Variants in AGBL4 observed in about 807,000 individuals in gnomAD.
AGBL4 encodes the protein cytosolic carboxypeptidase 6.
AGBL4 carries 58 observed loss-of-function variants against 66.4 expected under a neutral mutation model. That is an observed-to-expected ratio of 0.87 (90% CI 0.71 to 1.09). The LOEUF is 1.09. AGBL4 is among the 50% of genes least tolerant of loss of function. AGBL4 has a pLI of 0.00. For missense variants in AGBL4, 579 were observed against 631.0 expected, an observed-to-expected ratio of 0.92 and a Z score of 0.88; for synonymous variants, 234 against 222.9, an observed-to-expected ratio of 1.05 and a Z score of -0.44.
intron 1 of AGBL4, among the ~76,000 whole-genome samples, chr1:49,878,922 C>T (rs1463523917): frequency 9.6e-6 from 1 of 104,024 alleles, no homozygotes; most frequent in African/African-American, 3.9e-5. Context: ...TAATGGCCTT[C>T]TTTGTCTCTT....
At chr1:48,903,593 C>G (rs2148871993) in intron 5 of AGBL4, among the ~76,000 whole-genome samples, 1 of 152,326 alleles carries the variant, frequency 6.6e-6, no homozygotes, top group East Asian at 1.9e-4. Context: ...TTGTTCAGCA[C>G]TTCTCCTACC....
At chr1:49,029,856 G>A (rs2149033570) in intron 5 of AGBL4, among the ~76,000 whole-genome samples, 1 of 152,260 alleles carries the variant, frequency 6.6e-6, no homozygotes, top group East Asian at 1.9e-4. Context: ...GTAACTGAAA[G>A]TCCAGAAATA....
At chr1:49,287,687 T>C (rs1228804001) in intron 3 of AGBL4, among the ~76,000 whole-genome samples, 1 of 151,924 alleles carries the variant, frequency 6.6e-6, no homozygotes, top group African/African-American at 2.4e-5. Context: ...CCAGTTAGAA[T>C]GGCAATCATC....
intron 6 of AGBL4, among the ~76,000 whole-genome samples, chr1:48,693,374 C>G (rs932024031): frequency 5.3e-5 from 8 of 152,184 alleles, no homozygotes; most frequent in East Asian, 1.9e-4. Flanking sequence ...TTGCTTAACA[C>G]GGTGGTGGAT....
intron 6 of AGBL4, among the ~76,000 whole-genome samples, chr1:48,670,383 A>G (rs1182049007): frequency 6.6e-6 from 1 of 152,244 alleles, no homozygotes; most frequent in Admixed American, 6.5e-5. Context: ...GGCAGGTAGC[A>G]GCCTCCTCTC....
At chr1:49,511,660 C>T (rs1489603840) in intron 3 of AGBL4, among the ~76,000 whole-genome samples, 1 of 151,234 alleles carries the variant, frequency 6.6e-6, no homozygotes, top group African/African-American at 2.4e-5. Context: ...CATTTTCTCC[C>T]CAATGCGTTT....
At chr1:49,924,375 C>A (rs921831234) in intron 1 of AGBL4, among the ~76,000 whole-genome samples, 2 of 152,074 alleles carry the variant, frequency 1.3e-5, no homozygotes, top group Non-Finnish European at 2.9e-5. Flanking sequence ...ATAATCTGTA[C>A]AACAAACCCC....
chr1:48,654,188 C>T (rs1645981781), intron 7 of AGBL4, among the ~76,000 whole-genome samples: 1 of 152,142 alleles, frequency 6.6e-6, no homozygotes, highest in Admixed American at 6.5e-5. Context: ...CAAATCTTCC[C>T]CTCTTCTCCA....
At chr1:48,919,297 C>T (rs1414894670) in intron 5 of AGBL4, among the ~76,000 whole-genome samples, 1 of 152,122 alleles carries the variant, frequency 6.6e-6, no homozygotes, top group Non-Finnish European at 1.5e-5. Context: ...GTTGTTAAGG[C>T]TCCATGGACC....
intron 3 of AGBL4, among the ~76,000 whole-genome samples, chr1:49,683,463 G>A (rs76967335): frequency 0.019 from 2,942 of 152,224 alleles, 106 homozygotes; most frequent in African/African-American, 0.068. Context: ...CTCACAAGAA[G>A]CTCTATTTCA....
intron 5 of AGBL4, among the ~76,000 whole-genome samples, chr1:48,960,797 T>C (rs1657902341): frequency 6.6e-6 from 1 of 152,256 alleles, no homozygotes; most frequent in South Asian, 2.1e-4. Context: ...CATTAGCTGC[T>C]TCCTTTATCA....
rs139418532 is a variant in AGBL4 at position 49,089,998 on chromosome 1, G to A, written c.378-44198C>T. On this transcript the variant is annotated intron_variant, in intron 4 of 13. Transcript: ENST00000371839. Reference sequence around the variant, plus strand: ...GTGAACAGGAGTCAAAAACTACATCGTCTCAATAGATGCAGAAAAAGCTTT... The same window carrying A: ...GTGAACAGGAGTCAAAAACTACATCATCTCAATAGATGCAGAAAAAGCTTT... Among the ~76,000 whole-genome samples the A allele has an allele frequency of 5.5e-3, 838 of 151,682 alleles. 11 individuals carry two copies. The highest frequency in any genetic ancestry group is 5.8e-3 in the Non-Finnish European group (390 of 67,678).
intron 2 of AGBL4, among the ~76,000 whole-genome samples, chr1:49,786,716 C>T (rs755136892): frequency 5.3e-5 from 8 of 151,932 alleles, no homozygotes; most frequent in Non-Finnish European, 1.2e-4. Context: ...ACCATAAAGC[C>T]CTGGATCCTT....
rs375776886 is a variant in AGBL4 at position 48,586,984 on chromosome 1, T to C, written c.1267+20A>G. On this transcript the variant is annotated intron_variant, in intron 11 of 13. Transcript: ENST00000371839. ...GGCTGGATGAGGGCTGGCCCAAGGC[T>C]GGGTGGGGACTAAGGATACAGGCTT... 1.1e-5 allele frequency: 18 copies of C among 1,609,546 alleles called. No individual in the cohort carries two copies. Among genetic ancestry groups the C allele is most frequent in the Non-Finnish European group, 1.5e-5 (18 of 1,178,270 alleles).
chr1:48,588,393 T>A (rs1298952722), intron 10 of AGBL4, among the ~76,000 whole-genome samples: 1 of 152,200 alleles, frequency 6.6e-6, no homozygotes, highest in Non-Finnish European at 1.5e-5. Context: ...TCAGGCAAGT[T>A]GACTTACTTG....
chr1:48,773,213 AG>A (rs1285613968), intron 6 of AGBL4, among the ~76,000 whole-genome samples: 2 of 152,164 alleles, frequency 1.3e-5, no homozygotes, highest in African/African-American at 4.8e-5. Context: ...TTAAAATTTT[AG>A]GGCTCTAGGC....
At chr1:49,776,584 T>C (rs1000375423) in intron 2 of AGBL4, among the ~76,000 whole-genome samples, 1 of 152,062 alleles carries the variant, frequency 6.6e-6, no homozygotes, top group Non-Finnish European at 1.5e-5. Flanking sequence ...CAGAGCTTTT[T>C]TTATGTTTTT....
intron 3 of AGBL4, among the ~76,000 whole-genome samples, chr1:49,479,424 T>G (rs1489923893): frequency 5.9e-5 from 9 of 151,840 alleles, no homozygotes; most frequent in Non-Finnish European, 1.2e-4. Context: ...CTAATACTGA[T>G]TAGTTATTTT....
At chr1:48,961,119 GTGTATGTGT>G (rs1657944340) in intron 5 of AGBL4, among the ~76,000 whole-genome samples, 1 of 151,246 alleles carries the variant, frequency 6.6e-6, no homozygotes. Context: ...GTGTATGTGT[GTGTATGTGT>G]GTATGTACAG....
Sources: gnomAD v4.1 joint callset for allele counts (sites outside exome capture counted in the v4.1 genomes callset) on GRCh38, gnomAD v4.1.1 for gene constraint, MANE v1.5 for transcripts, NCBI Gene and HGNC (gene_info 2026-07-23, HGNC 2026-07-21) for gene names.